Variants in ANXA5 observed in about 807,000 individuals in gnomAD.
ANXA5 encodes the protein annexin A5.
Under a neutral mutation model 48.1 loss-of-function variants are expected in ANXA5, and 40 were observed. The ratio of observed to expected loss-of-function variants is 0.83; its 90% CI spans 0.65 to 1.08. The LOEUF is 1.08. Ranked by LOEUF, ANXA5 falls within the 50% of genes least tolerant of loss-of-function variation. The probability of loss-of-function intolerance (pLI) is 0.00; values close to 1 mark genes in which losing one functional copy is unlikely to be tolerated. For missense variants in ANXA5, 357 were observed against 376.8 expected, an observed-to-expected ratio of 0.95 and a Z score of 0.44; for synonymous variants, 113 against 129.1, an observed-to-expected ratio of 0.88 and a Z score of 0.85.
At chr4:121,668,666 T>G in intron 12 of ANXA5, 139 bp from the exon 13 acceptor site, 2 of 693,994 alleles carry the variant, frequency 2.9e-6, no homozygotes, top group South Asian at 1.7e-5. Flanking sequence ...ACATCAGGAA[T>G]GTTATGCAGG....
intron 2 of ANXA5, among the ~76,000 whole-genome samples, chr4:121,696,179 GC>G (rs1174711497): frequency 1.3e-3 from 190 of 147,878 alleles, no homozygotes; most frequent in African/African-American, 4.3e-3. Flanking sequence ...AAGTCGGGGG[GC>G]GGGGTGGGGG....
At chr4:121,685,614 G>A (rs1724873232) in intron 3 of ANXA5, among the ~76,000 whole-genome samples, 1 of 152,178 alleles carries the variant, frequency 6.6e-6, no homozygotes, top group Non-Finnish European at 1.5e-5. Context: ...GACTTACAGG[G>A]CCAGAAAGCA....
chr4:121,682,090 C>T (rs1724803382), intron 5 of ANXA5, among the ~76,000 whole-genome samples: 1 of 152,060 alleles, frequency 6.6e-6, no homozygotes, highest in Non-Finnish European at 1.5e-5. Context: ...AAAACATTTT[C>T]ATGAAACATG....
chr4:121,672,678 G>C (rs1724632665), intron 8 of ANXA5, 52 bp from the exon 9 acceptor site: 2 of 1,371,918 alleles, frequency 1.5e-6, no homozygotes, highest in Non-Finnish European at 2.1e-6. Flanking sequence ...CTCATTTCCA[G>C]GTTCTTAAAC....
chr4:121,686,460 C>A, intron 2 of ANXA5, 88 bp from the exon 3 acceptor site: 1 of 891,698 alleles, frequency 1.1e-6, no homozygotes, highest in Non-Finnish European at 1.8e-6. Flanking sequence ...TGCTATATAT[C>A]ATATTCAGTC....
At chr4:121,679,877 T>C (rs1178244901) in intron 6 of ANXA5, among the ~76,000 whole-genome samples, 1 of 152,204 alleles carries the variant, frequency 6.6e-6, no homozygotes, top group African/African-American at 2.4e-5. Context: ...ATAGTCTATA[T>C]TTTTGTGTGT....
chr4:121,670,359 T>G (rs1724593471), intron 10 of ANXA5, among the ~76,000 whole-genome samples: 1 of 152,180 alleles, frequency 6.6e-6, no homozygotes, highest in East Asian at 1.9e-4. Flanking sequence ...ACCAATAAAT[T>G]ACACAAATCC....
chr4:121,672,508 C>G (rs747637188), intron 9 of ANXA5, 25 bp downstream of exon 9: 2 of 1,543,480 alleles, frequency 1.3e-6, no homozygotes, highest in Non-Finnish European at 1.8e-6. Flanking sequence ...AATGTATCTG[C>G]CCCATACAGA....
intron 8 of ANXA5, among the ~76,000 whole-genome samples, chr4:121,673,301 G>A (rs1433125403): frequency 1.3e-5 from 2 of 152,146 alleles, no homozygotes; most frequent in African/African-American, 4.8e-5. Flanking sequence ...AAAAAAATAA[G>A]CTTATATACA....
Position 121,678,590 on chromosome 4 carries a change from A to G in ANXA5, c.395-96T>C. The G allele has an allele frequency of 2.9e-6, 3 of 1,027,652 alleles. No homozygotes were observed. The South Asian group carries it at 4.4e-5, about 15-fold the overall frequency. The allele number at this position is 1,027,652 out of a possible 1,614,324, so 63.7% of individuals were successfully genotyped here. Reference sequence around the variant, plus strand: ...AAATGAAAGCGATGTAAAAGAAGAAATAATTATATTTGGTTAACATAAATT... The same window carrying G: ...AAATGAAAGCGATGTAAAAGAAGAAGTAATTATATTTGGTTAACATAAATT... On this transcript the variant is annotated intron_variant, in intron 6 of 12. Coordinates refer to ENST00000296511, the MANE Select transcript of ANXA5 (RefSeq NM_001154.4).
At chr4:121,686,220 C>T in intron 3 of ANXA5, 68 bp downstream of exon 3, 7 of 1,140,654 alleles carry the variant, frequency 6.1e-6, no homozygotes, top group African/African-American at 1.5e-5. Context: ...ATTATTCTTA[C>T]TGTAATTAAT....
Position 121,670,008 on chromosome 4 carries a change from T to C in ANXA5, c.726A>G (p.Lys242=), listed in dbSNP as rs1380495538. The stretch of plus-strand genomic sequence containing the variant: ...GGTAGGCAGGTATACTTCGAATAGA[T>C]TTCACTAAGAAAATAAACAATACAA... ...NLEQLLLAVV[K]SIRSIPAYLA... is the part of the protein sequence containing the mutation. Residue 242 remains lysine (K), a synonymous_variant, in exon 11 of 13, where the codon AAA becomes AAG. Transcript: ENST00000296511. 6.3e-7 allele frequency: 1 copy of C among 1,598,104 alleles called. No individual in the cohort carries two copies. Among genetic ancestry groups the C allele is most frequent in the Non-Finnish European group, 8.5e-7 (1 of 1,171,548 alleles).
Position 121,695,649 on chromosome 4 carries a change from G to C in ANXA5, c.9+932C>G, listed in dbSNP as rs947165661. Among the ~76,000 whole-genome samples, 13 of 152,174 alleles carry C rather than the reference G, an allele frequency of 8.5e-5. No homozygotes were observed. The East Asian group carries it at 2.5e-3, about 29-fold the overall frequency. On this transcript the variant is annotated intron_variant, in intron 2 of 12. Coordinates refer to ENST00000296511, the MANE Select transcript of ANXA5 (RefSeq NM_001154.4). ...TAACAGTAAAGAAACCAGGCGCAGTGGGATTACAGTCCTGAGGCCGAGGCG... is the reference window on the plus strand; with the variant it reads ...TAACAGTAAAGAAACCAGGCGCAGTCGGATTACAGTCCTGAGGCCGAGGCG...
rs771190369 is a variant in ANXA5, at chr4:121,668,547, A to C, written c.904-20T>G. Reference sequence around the variant, plus strand: ...ATCTCCCTGAAACCAAATGTATTCCATTAACCTCCATGACTCACAGAAGCC... The same window carrying C: ...ATCTCCCTGAAACCAAATGTATTCCCTTAACCTCCATGACTCACAGAAGCC... On this transcript the variant is annotated intron_variant, in intron 12 of 12. Coordinates refer to ENST00000296511, the MANE Select transcript of ANXA5 (RefSeq NM_001154.4). 1 of 1,607,980 alleles carries C rather than the reference A, an allele frequency of 6.2e-7. No individual in the cohort carries two copies. Among genetic ancestry groups the C allele is most frequent in the South Asian group, 1.1e-5 (1 of 90,914 alleles).
chr4:121,696,546 G>A, intron 2 of ANXA5, 35 bp downstream of exon 2: 1 of 1,365,760 alleles, frequency 7.3e-7, no homozygotes, highest in Non-Finnish European at 9.5e-7. Context: ...AAAGTTGTGG[G>A]TAAATCCAGC....
chr4:121,679,468 CT>C (rs1293971192), intron 6 of ANXA5, among the ~76,000 whole-genome samples: 1 of 152,188 alleles, frequency 6.6e-6, no homozygotes, highest in East Asian at 1.9e-4. Flanking sequence ...TCCTTCAGCA[CT>C]CCACTGCTCA....
chr4:121,678,169 G>A (rs1214064292), intron 7 of ANXA5: 9 of 606,496 alleles, frequency 1.5e-5, no homozygotes, highest in East Asian at 2.7e-5. Flanking sequence ...ACAAGATACC[G>A]CTATCATTCT....
chr4:121,668,616 A>T, intron 12 of ANXA5, 89 bp from the exon 13 acceptor site: 1 of 1,085,728 alleles, frequency 9.2e-7, no homozygotes, highest in Non-Finnish European at 1.4e-6. Flanking sequence ...AATTTTATTC[A>T]TAAGACTCTT....
Position 121,683,344 on chromosome 4 carries a change from C to T in ANXA5, c.303+20G>A. 1 of 1,461,654 alleles carries T rather than the reference C, an allele frequency of 6.8e-7. No individual in the cohort carries two copies. Among genetic ancestry groups the T allele is most frequent in the Non-Finnish European group, 9.5e-7 (1 of 1,052,486 alleles). 90.5% of individuals were successfully genotyped at this position (1,461,654 alleles called of 1,614,324 possible). On this transcript the variant is annotated intron_variant, in intron 5 of 12. Coordinates refer to ENST00000296511, the MANE Select transcript of ANXA5 (RefSeq NM_001154.4). ...TAATACTATCTATGCAAGAATGTTC[C>T]TTTCACTCATCCTTTTTACCTTCAA...
Sources: gnomAD v4.1 joint callset for allele counts (sites outside exome capture counted in the v4.1 genomes callset) on GRCh38, gnomAD v4.1.1 for gene constraint, MANE v1.5 for transcripts, NCBI Gene and HGNC (gene_info 2026-07-23, HGNC 2026-07-21) for gene names.